PKD1L3: variants seen among roughly 807,000 people sequenced by gnomAD.
PKD1L3 encodes polycystin-1-like protein 3.
Under a neutral mutation model 184.1 loss-of-function variants are expected in PKD1L3, and 239 were observed. The observed-to-expected ratio is 1.30, with a 90% CI of 1.17 to 1.45. The LOEUF is 1.45. PKD1L3 is among the 40% of genes most tolerant of loss of function. The pLI, the probability that PKD1L3 is intolerant of heterozygous loss-of-function variation, is 0.00. For synonymous variants in PKD1L3, 996 were observed against 778.8 expected, an observed-to-expected ratio of 1.28 and a Z score of -4.64; for missense variants, 2,660 against 2,067.2, an observed-to-expected ratio of 1.29 and a Z score of -5.56.
At chr16:71,955,360 C>T (rs1471305702) in intron 16 of PKD1L3, among the ~76,000 whole-genome samples, 1 of 151,626 alleles carries the variant, frequency 6.6e-6, no homozygotes, top group Non-Finnish European at 1.5e-5. Flanking sequence ...TTAATGGGAC[C>T]CAGGAGGCAG....
chr16:71,947,857 T>G (rs536360625), intron 21 of PKD1L3, among the ~76,000 whole-genome samples: 1 of 152,248 alleles, frequency 6.6e-6, no homozygotes, highest in African/African-American at 2.4e-5. Flanking sequence ...TCAAACGATT[T>G]GTGTTGTCTA....
intron 8 of PKD1L3, 41 bp from the exon 9 acceptor site, chr16:71,979,953 C>A (rs752499972): frequency 9.0e-6 from 14 of 1,548,904 alleles, no homozygotes; most frequent in Non-Finnish European, 1.2e-5. Flanking sequence ...TTTTGTGTGT[C>A]CTCTGAAAGT....
chr16:71,952,855 A>G (rs987461602), intron 18 of PKD1L3, 39 bp downstream of exon 18: 115 of 1,508,806 alleles, frequency 7.6e-5, no homozygotes, highest in Non-Finnish European at 9.9e-5. Context: ...ACAAGCAGGC[A>G]ATAAAATAAG....
At chr16:71,954,048 T>TC in intron 17 of PKD1L3, 57 bp downstream of exon 17, 1 of 1,346,438 alleles carries the variant, frequency 7.4e-7, no homozygotes. Flanking sequence ...AGACCCTGTC[T>TC]CAAAAAAAAA....
chr16:71,993,808 T>C (rs1031740527), intron 2 of PKD1L3, among the ~76,000 whole-genome samples: 3 of 152,150 alleles, frequency 2.0e-5, no homozygotes, highest in Admixed American at 1.3e-4. Context: ...CAATTTTTGC[T>C]CTGTTGCCCA....
chr16:71,981,761 G>C lies in PKD1L3; in HGVS notation c.1143+298C>G, dbSNP rs1456137868. Among the ~76,000 whole-genome samples the C allele has an allele frequency of 3.3e-5, 5 of 152,070 alleles. No individual in the cohort carries two copies. In the East Asian group the frequency reaches 7.7e-4, roughly 24 times the overall value. On this transcript the variant is annotated intron_variant, in intron 7 of 29. Transcript: ENST00000620267. ...TCGCCATGTGGGCCAGGCTGGTCTCGAACTCCTGACCTCAGGTGATCTGCC... is the reference window on the plus strand; with the variant it reads ...TCGCCATGTGGGCCAGGCTGGTCTCCAACTCCTGACCTCAGGTGATCTGCC...
chr16:71,969,752 C>T, intron 13 of PKD1L3, 123 bp downstream of exon 13: 1 of 854,450 alleles, frequency 1.2e-6, no homozygotes, highest in South Asian at 1.9e-5. Context: ...AAAAGTTTCA[C>T]TTGAATTTCT....
At chr16:71,967,067 T>C (rs2039525752) in intron 15 of PKD1L3, 70 bp downstream of exon 15, 1 of 1,443,012 alleles carries the variant, frequency 6.9e-7, no homozygotes, top group Non-Finnish European at 9.4e-7. Context: ...TGATTTATTG[T>C]GGTGATCTTC....
intron 11 of PKD1L3, among the ~76,000 whole-genome samples, chr16:71,975,252 C>T (rs2039876231): frequency 6.7e-6 from 1 of 148,648 alleles, no homozygotes; most frequent in Non-Finnish European, 1.5e-5. Flanking sequence ...GAGACAGAGT[C>T]TCGCTCTGTT....
Position 71,956,211 on chromosome 16 carries a change from G to C in PKD1L3, c.2613-1910C>G, listed in dbSNP as rs1380516364. Among the ~76,000 whole-genome samples, 17 of 37,886 alleles carry C rather than the reference G, an allele frequency of 4.5e-4. No individual in the cohort carries two copies. The East Asian group carries it at 0.039, about 86-fold the overall frequency. The allele number at this position is 37,886 out of a possible 152,430, so 24.9% of individuals were successfully genotyped here. A position where few individuals can be genotyped will look rare whatever the true frequency, so the allele number is the denominator to read the frequency against. On this transcript the variant is annotated intron_variant, in intron 16 of 29. Coordinates refer to ENST00000620267, the MANE Select transcript of PKD1L3 (RefSeq NM_181536.2). ...TTTTTTTTTTTTTTTTTTTTTTTGT[G>C]AGATGGAGTTTCACTCTTGTCACCT...
rs1437753803 is a variant in PKD1L3, at chr16:71,970,050, A to G, written c.2009T>C (p.Phe670Ser). The G allele has an allele frequency of 6.4e-7, 1 of 1,551,534 alleles. No individual in the cohort carries two copies. Among genetic ancestry groups the G allele is most frequent in the Non-Finnish European group, 8.7e-7 (1 of 1,146,988 alleles). ...RTQCLCNHLT[F>S]FASDFFVVPR... ...CACGACAAAGAAGTCGCTGGCAAAG[A>G]AGGTCAGGTGGTTACAGAGACACTG... The change falls in exon 13 of 30, where the codon TTC becomes TCC. Residue 670 changes from phenylalanine to serine, a missense_variant. Transcript: ENST00000620267.
intron 2 of PKD1L3, among the ~76,000 whole-genome samples, chr16:71,997,059 G>A (rs2040811829): frequency 6.6e-6 from 1 of 151,332 alleles, no homozygotes; most frequent in African/African-American, 2.4e-5. Context: ...GTAGAGAGAG[G>A]AAAGTGGGAA....
At chr16:71,953,830 T>A (rs530843914) in intron 17 of PKD1L3, among the ~76,000 whole-genome samples, 1 of 152,300 alleles carries the variant, frequency 6.6e-6, no homozygotes, top group East Asian at 1.9e-4. Flanking sequence ...GGACGTGAGA[T>A]TTGGGTGGGG....
intron 16 of PKD1L3, among the ~76,000 whole-genome samples, chr16:71,956,184 A>ATTTTTTTTTTTTTTTTT (rs35268514): frequency 3.6e-5 from 3 of 82,758 alleles, no homozygotes; most frequent in Admixed American, 1.8e-4. Context: ...AAAGGAAGGA[A>ATTTTTTTTTTTTTTTTT]TTTTTTTTTT....
At chr16:71,958,497 T>C (rs1257886522) in intron 16 of PKD1L3, among the ~76,000 whole-genome samples, 1 of 150,484 alleles carries the variant, frequency 6.6e-6, no homozygotes, top group Non-Finnish European at 1.5e-5. Flanking sequence ...TACAGAAAAC[T>C]GGCTGGACGT....
chr16:71,936,194 A>AT (rs549272589), intron 25 of PKD1L3, among the ~76,000 whole-genome samples: 11 of 147,452 alleles, frequency 7.5e-5, no homozygotes, highest in East Asian at 2.0e-4. Context: ...AATCATCTGT[A>AT]TTTTTTTTTC....
intron 15 of PKD1L3, among the ~76,000 whole-genome samples, chr16:71,964,529 G>A (rs1242074918): frequency 6.6e-6 from 1 of 151,080 alleles, no homozygotes; most frequent in African/African-American, 2.4e-5. Context: ...AGTAGAGATG[G>A]GGTTTCACTG....
At chr16:71,962,790 T>A (rs1035695221) in intron 16 of PKD1L3, among the ~76,000 whole-genome samples, 1 of 152,208 alleles carries the variant, frequency 6.6e-6, no homozygotes, top group Non-Finnish European at 1.5e-5. Flanking sequence ...AGTTTACTAG[T>A]GTCTTTGAAA....
At chr16:71,995,185 G>A (rs935767332) in intron 2 of PKD1L3, among the ~76,000 whole-genome samples, 6 of 152,098 alleles carry the variant, frequency 3.9e-5, no homozygotes, top group African/African-American at 1.4e-4. Context: ...AAGGTGAAAA[G>A]GCAAGAGAAG....
Sources: allele counts gnomAD v4.1 joint callset (sites outside exome capture counted in the v4.1 genomes callset), GRCh38; gene constraint gnomAD v4.1.1; transcripts MANE v1.5; gene names NCBI Gene and HGNC (gene_info 2026-07-23, HGNC 2026-07-21).